The following HELZ variants were observed in gnomAD, a reference collection of about 807,000 sequenced individuals.
The protein encoded by HELZ is helicase with zinc finger.
Under a neutral mutation model 218.2 loss-of-function variants are expected in HELZ, and 23 were observed. That is an observed-to-expected ratio of 0.11 (90% CI 0.08 to 0.15). The LOEUF is 0.15. Ranked by LOEUF, HELZ falls within the 10% of genes least tolerant of loss-of-function variation. The pLI is 1.00. For missense variants in HELZ, 1,813 were observed against 2,353.7 expected (o/e 0.77, Z 4.75); for synonymous variants, 814 against 829.4 (o/e 0.98, Z 0.32).
chr17:67,239,749 T>C (rs2041273639), intron 2 of HELZ: 1 of 152,232 alleles, frequency 6.6e-6, no homozygotes, highest in African/African-American at 2.4e-5. Context: ...CAGGCCTATA[T>C]TTCCTTATCT....
chr17:67,119,188 T>C (rs953410826), intron 27 of HELZ, among the ~76,000 whole-genome samples: 2 of 152,136 alleles, frequency 1.3e-5, no homozygotes. Flanking sequence ...TAAAAACATG[T>C]TCACATGTAT....
chr17:67,095,998 A>G (rs2036732598), intron 31 of HELZ, among the ~76,000 whole-genome samples: 1 of 152,202 alleles, frequency 6.6e-6, no homozygotes, highest in African/African-American at 2.4e-5. Flanking sequence ...TCATTGATCC[A>G]TGGGCTGCAG....
intron 31 of HELZ, among the ~76,000 whole-genome samples, chr17:67,102,680 T>C (rs1300977623): frequency 6.6e-6 from 1 of 152,208 alleles, no homozygotes; most frequent in Non-Finnish European, 1.5e-5. Flanking sequence ...AAAAGCATTT[T>C]GAACAGACTA....
At chr17:67,197,245 C>T (rs1049965545) in intron 7 of HELZ, among the ~76,000 whole-genome samples, 7 of 152,122 alleles carry the variant, frequency 4.6e-5, no homozygotes, top group Non-Finnish European at 7.4e-5. Context: ...ACTTGACTCT[C>T]ATTCTTCTCT....
At chr17:67,119,298 T>C (rs1220740816) in intron 27 of HELZ, among the ~76,000 whole-genome samples, 1 of 152,126 alleles carries the variant, frequency 6.6e-6, no homozygotes, top group Admixed American at 6.5e-5. Flanking sequence ...TCCATACAAC[T>C]GAATACTAAC....
At chr17:67,223,247 G>A (rs187159088) in intron 3 of HELZ, among the ~76,000 whole-genome samples, 4 of 150,632 alleles carry the variant, frequency 2.7e-5, no homozygotes, top group African/African-American at 9.8e-5. Flanking sequence ...GCAACAGAGC[G>A]AGATTCCGTC....
intron 3 of HELZ, chr17:67,224,720 A>C (rs1598456330): frequency 1.1e-6 from 1 of 952,158 alleles, no homozygotes; most frequent in Admixed American, 1.8e-5. Context: ...CATAGTGCTC[A>C]TGCAAACATG....
intron 32 of HELZ, among the ~76,000 whole-genome samples, chr17:67,083,112 C>T (rs560161517): frequency 2.0e-4 from 30 of 152,008 alleles, no homozygotes; most frequent in African/African-American, 7.2e-4. Flanking sequence ...TCGCTTCGGC[C>T]TCCCAAAGTG....
At chr17:67,093,406 G>A (rs769148699) in intron 31 of HELZ, among the ~76,000 whole-genome samples, 4 of 152,088 alleles carry the variant, frequency 2.6e-5, no homozygotes, top group Admixed American at 6.5e-5. Context: ...CAGAAAGTGA[G>A]ACATGGAGAA....
intron 13 of HELZ, among the ~76,000 whole-genome samples, chr17:67,174,219 T>C (rs1309406776): frequency 6.7e-6 from 1 of 148,994 alleles, no homozygotes; most frequent in East Asian, 2.0e-4. Context: ...AAAAAAAAGA[T>C]AGATTATTAA....
intron 32 of HELZ, among the ~76,000 whole-genome samples, chr17:67,081,109 AC>A (rs2036176034): frequency 6.6e-6 from 1 of 152,218 alleles, no homozygotes; most frequent in Non-Finnish European, 1.5e-5. Context: ...GCCTTGAAAC[AC>A]TGTCATGGCA....
At chr17:67,164,217 T>C (rs1228168378) in intron 15 of HELZ, among the ~76,000 whole-genome samples, 1 of 152,226 alleles carries the variant, frequency 6.6e-6, no homozygotes, top group East Asian at 1.9e-4. Context: ...GTTCACGAAT[T>C]AATTGATAAA....
intron 27 of HELZ, among the ~76,000 whole-genome samples, chr17:67,115,891 A>G (rs2037409396): frequency 6.6e-6 from 1 of 152,162 alleles, no homozygotes; most frequent in Admixed American, 6.5e-5. Flanking sequence ...AGAAATGGTA[A>G]CACATGGGTA....
Position 67,078,432 on chromosome 17 carries a change from G to T in HELZ, c.5649C>A (p.Ser1883Arg), listed in dbSNP as rs1190387104. 1.9e-6 allele frequency: 3 copies of T among 1,595,762 alleles called. No individual in the cohort carries two copies. Among genetic ancestry groups the T allele is most frequent in the Non-Finnish European group, 2.6e-6 (3 of 1,173,720 alleles). Residue 1883 changes from serine to arginine, a missense_variant, in exon 33 of 33, where the codon AGC becomes AGA. By Grantham distance (110) the Ser-to-Arg change is moderately radical. Transcript: ENST00000358691. ...GCTTGCCCCCCGCAGAGCTCTGGGG[G>T]CTACTGCTATTGGCCGACTCCGCGA... ...KQIAESANSS[S>R]PQSSAGGKPA...
At chr17:67,107,098 T>G in intron 31 of HELZ, 71 bp downstream of exon 31, 2 of 1,349,912 alleles carry the variant, frequency 1.5e-6, no homozygotes, top group Non-Finnish European at 2.0e-6. Flanking sequence ...TGCCTTCCTA[T>G]TATCAAATCA....
At chr17:67,217,930 G>GTT (rs1316743927) in intron 4 of HELZ, among the ~76,000 whole-genome samples, 5,519 of 134,750 alleles carry the variant, frequency 0.041, 392 homozygotes, top group African/African-American at 0.14. Context: ...GTTTTTTGTT[G>GTT]TTTTTTTTTT....
intron 8 of HELZ, among the ~76,000 whole-genome samples, chr17:67,195,066 A>T (rs2039988768): frequency 6.6e-6 from 1 of 152,200 alleles, no homozygotes; most frequent in African/African-American, 2.4e-5. Context: ...CAGCTCACAG[A>T]TCAAAACTTC....
chr17:67,178,422 T>C (rs564679651), intron 13 of HELZ, among the ~76,000 whole-genome samples: 62 of 152,318 alleles, frequency 4.1e-4, no homozygotes, highest in Non-Finnish European at 7.6e-4. Context: ...TGTCCCCTAA[T>C]AGATGTTTAA....
In HELZ at chr17:67,201,141, G is replaced by C. The variant is rs778827494; in HGVS notation, c.417C>G (p.Leu139=). ...GAAATGGCCTTACCTCTGTTTCTGAGAGAAGTGTTTTTAGTCTTGTCAAAT... is the reference window on the plus strand; with the variant it reads ...GAAATGGCCTTACCTCTGTTTCTGACAGAAGTGTTTTTAGTCTTGTCAAAT... The part of the protein sequence containing the change: ...TKDLTRLKTL[L]SETETATSNA... Residue 139 remains leucine (L), a synonymous_variant, in exon 7 of 33, where the codon CTC becomes CTG. Coordinates refer to ENST00000358691, the MANE Select transcript of HELZ (RefSeq NM_014877.4). The C allele has an allele frequency of 2.5e-6, 4 of 1,607,396 alleles. No homozygotes were observed. Among genetic ancestry groups the C allele is most frequent in the Non-Finnish European group, 1.7e-6 (2 of 1,174,014 alleles).
Sources: allele counts gnomAD v4.1 joint callset (sites outside exome capture counted in the v4.1 genomes callset), GRCh38; gene constraint gnomAD v4.1.1; transcripts MANE v1.5; gene names NCBI Gene and HGNC (gene_info 2026-07-23, HGNC 2026-07-21).